MALRD1: variants seen among roughly 807,000 people sequenced by gnomAD.
MALRD1 encodes the protein MAM and LDL receptor class A domain containing 1.
Under a neutral mutation model 242.1 loss-of-function variants are expected in MALRD1, and 247 were observed. The observed-to-expected ratio is 1.02, with a 90% CI of 0.92 to 1.13. The LOEUF (loss-of-function observed/expected upper bound fraction) is 1.13, where lower values mean the gene tolerates loss of function less well. Among genes scored for constraint, MALRD1 ranks in the 50% most tolerant of loss-of-function variants. The pLI is 0.00. For missense variants in MALRD1, 2,989 were observed against 2,533.1 expected, an observed-to-expected ratio of 1.18 and a Z score of -3.86; for synonymous variants, 995 against 866.6, an observed-to-expected ratio of 1.15 and a Z score of -2.60.
chr10:19,429,244 A>C (rs568357955), intron 28 of MALRD1, among the ~76,000 whole-genome samples: 2 of 152,202 alleles, frequency 1.3e-5, no homozygotes, highest in Non-Finnish European at 1.5e-5. Context: ...TACTAATGTA[A>C]TGTGTAATGT....
At chr10:19,557,966 G>A (rs1835800473) in intron 32 of MALRD1, among the ~76,000 whole-genome samples, 3 of 151,980 alleles carry the variant, frequency 2.0e-5, no homozygotes, top group Admixed American at 2.0e-4. Context: ...TAGATATCAT[G>A]TACTTTTTTG....
intron 28 of MALRD1, among the ~76,000 whole-genome samples, chr10:19,399,500 T>C (rs1317748524): frequency 6.6e-6 from 1 of 152,194 alleles, no homozygotes; most frequent in Non-Finnish European, 1.5e-5. Context: ...ATCAGTGGGC[T>C]GATTGTTCTA....
At chr10:19,073,508 C>A (rs1835222308) in intron 2 of MALRD1, among the ~76,000 whole-genome samples, 1 of 152,006 alleles carries the variant, frequency 6.6e-6, no homozygotes, top group Non-Finnish European at 1.5e-5. Flanking sequence ...AAATTCCACA[C>A]CTGACGCCTT....
intron 2 of MALRD1, among the ~76,000 whole-genome samples, chr10:19,078,428 T>C (rs1407769701): frequency 4.0e-5 from 6 of 151,716 alleles, no homozygotes; most frequent in African/African-American, 1.4e-4. Flanking sequence ...TGGCGAAAAA[T>C]TTTTAAAATG....
intron 33 of MALRD1, among the ~76,000 whole-genome samples, chr10:19,593,780 C>G (rs774707920): frequency 8.5e-5 from 13 of 152,158 alleles, no homozygotes; most frequent in South Asian, 2.1e-4. Context: ...TTTCATGTAA[C>G]AAAAGTTTAT....
At chr10:19,262,970 T>C (rs1038476080) in intron 19 of MALRD1, among the ~76,000 whole-genome samples, 1 of 152,198 alleles carries the variant, frequency 6.6e-6, no homozygotes, top group African/African-American at 2.4e-5. Flanking sequence ...TTCTTGATTT[T>C]TTTAAAGCTG....
chr10:19,178,687 G>C (rs1483368113), intron 14 of MALRD1, among the ~76,000 whole-genome samples: 1 of 152,142 alleles, frequency 6.6e-6, no homozygotes, highest in Non-Finnish European at 1.5e-5. Flanking sequence ...CTGTTTATTT[G>C]TTAAAGGGAG....
intron 29 of MALRD1, among the ~76,000 whole-genome samples, chr10:19,476,500 T>C (rs952578543): frequency 6.6e-6 from 1 of 151,996 alleles, no homozygotes; most frequent in Non-Finnish European, 1.5e-5. Context: ...ATCTCAGGTT[T>C]CTGTGGTCCA....
intron 13 of MALRD1, among the ~76,000 whole-genome samples, chr10:19,167,710 C>G (rs1318423988): frequency 6.6e-6 from 1 of 152,102 alleles, no homozygotes; most frequent in Non-Finnish European, 1.5e-5. Context: ...TGAGGACAGG[C>G]TGGCTCCCAA....
intron 33 of MALRD1, among the ~76,000 whole-genome samples, chr10:19,574,526 G>A (rs1836710277): frequency 6.6e-6 from 1 of 152,168 alleles, no homozygotes; most frequent in Non-Finnish European, 1.5e-5. Context: ...GAAAGAGAGA[G>A]AATGAATTTT....
At chr10:19,366,828 T>C (rs2130728145) in intron 26 of MALRD1, among the ~76,000 whole-genome samples, 1 of 152,240 alleles carries the variant, frequency 6.6e-6, no homozygotes, top group Non-Finnish European at 1.5e-5. Flanking sequence ...TTTTAAAATA[T>C]GTATATCACT....
At chr10:19,658,312 A>G (rs75922731) in intron 36 of MALRD1, among the ~76,000 whole-genome samples, 1,642 of 152,254 alleles carry the variant, frequency 0.011, 29 homozygotes, top group African/African-American at 0.037. Context: ...AAAATGTGGT[A>G]ACAATGTTTG....
At position 19,436,270 on chromosome 10, in the gene MALRD1, A is replaced by G. The variant is rs376276480; in HGVS notation, c.4846-14037A>G. 2.6e-5 allele frequency among the ~76,000 whole-genome samples: 4 copies of G among 152,294 alleles called. No homozygotes were observed. In the East Asian group the frequency reaches 5.8e-4, roughly 22 times the overall value. The stretch of plus-strand genomic sequence containing the variant: ...TGACAGAGCTAAGAGACCTGAGTCT[A>G]TGTAGAGATCCGTGAATATACACAT... On this transcript the variant is annotated intron_variant, in intron 28 of 39. Coordinates refer to ENST00000454679, the MANE Select transcript of MALRD1 (RefSeq NM_001142308.3).
chr10:19,267,567 G>A (rs1025835183), intron 19 of MALRD1, among the ~76,000 whole-genome samples: 15 of 152,014 alleles, frequency 9.9e-5, no homozygotes, highest in Non-Finnish European at 1.8e-4. Context: ...GTTTATTTCA[G>A]TGTGAATCAA....
chr10:19,224,777 C>T (rs1177962108), intron 18 of MALRD1, among the ~76,000 whole-genome samples: 2 of 152,152 alleles, frequency 1.3e-5, no homozygotes, highest in Non-Finnish European at 2.9e-5. Flanking sequence ...TTCTCCCACT[C>T]TGTAGGTTGT....
At chr10:19,052,553 C>G (rs1834540504) in intron 1 of MALRD1, among the ~76,000 whole-genome samples, 1 of 152,154 alleles carries the variant, frequency 6.6e-6, no homozygotes. Flanking sequence ...ATTACACGGC[C>G]TGGGGTCTCT....
chr10:19,315,715 A>T (rs1214957334), intron 21 of MALRD1, among the ~76,000 whole-genome samples: 1 of 135,794 alleles, frequency 7.4e-6, no homozygotes, highest in African/African-American at 2.8e-5. Context: ...ATTTAATTAT[A>T]TATTGCATAT....
chr10:19,094,357 A>T (rs1314074294), intron 4 of MALRD1, among the ~76,000 whole-genome samples: 1 of 127,448 alleles, frequency 7.8e-6, no homozygotes, highest in Non-Finnish European at 1.6e-5. Flanking sequence ...CCGATTTTCC[A>T]GGTGCGTCCG....
At chr10:19,248,511 CTG>C (rs1177439766) in intron 18 of MALRD1, among the ~76,000 whole-genome samples, 1 of 151,670 alleles carries the variant, frequency 6.6e-6, no homozygotes, top group Non-Finnish European at 1.5e-5. Context: ...ATATAAATAA[CTG>C]TTTAAATTGG....
Sources: allele counts gnomAD v4.1 joint callset (sites outside exome capture counted in the v4.1 genomes callset), GRCh38; gene constraint gnomAD v4.1.1; transcripts MANE v1.5; gene names NCBI Gene and HGNC (gene_info 2026-07-23, HGNC 2026-07-21).